Variants in PEAK1 observed in about 807,000 individuals in gnomAD.
PEAK1 encodes the protein inactive tyrosine-protein kinase PEAK1.
Under a neutral mutation model 124.7 loss-of-function variants are expected in PEAK1, and 54 were observed. The ratio of observed to expected loss-of-function variants is 0.43; its 90% confidence interval spans 0.35 to 0.54. The LOEUF is 0.54. Ranked by LOEUF, PEAK1 falls within the 20% of genes least tolerant of loss-of-function variation. The probability of loss-of-function intolerance (pLI) is 0.01; values close to 1 mark genes in which losing one functional copy is unlikely to be tolerated. For missense variants in PEAK1, 2,046 were observed against 2,134.5 expected, an observed-to-expected ratio of 0.96 and a Z score of 0.82; for synonymous variants, 719 against 760.0, an observed-to-expected ratio of 0.95 and a Z score of 0.89.
At chr15:77,150,109 G>A (rs945024071) in intron 8 of PEAK1, among the ~76,000 whole-genome samples, 3 of 152,102 alleles carry the variant, frequency 2.0e-5, no homozygotes, top group African/African-American at 4.8e-5. Flanking sequence ...TTCTGATAGG[G>A]CATCTATAAT....
At chr15:77,293,918 C>G (rs555882575) in intron 2 of PEAK1, among the ~76,000 whole-genome samples, 1 of 152,300 alleles carries the variant, frequency 6.6e-6, no homozygotes, top group South Asian at 2.1e-4. Flanking sequence ...AGGATTAGTA[C>G]AGAGGCTGAA....
intron 6 of PEAK1, among the ~76,000 whole-genome samples, chr15:77,233,935 AG>A (rs1445365248): frequency 6.6e-6 from 1 of 152,120 alleles, no homozygotes; most frequent in Non-Finnish European, 1.5e-5. Flanking sequence ...GCATGATCAT[AG>A]CTCCCTTCTG....
intron 1 of PEAK1, among the ~76,000 whole-genome samples, chr15:77,392,460 C>G (rs1269115608): frequency 6.6e-6 from 1 of 152,026 alleles, no homozygotes; most frequent in African/African-American, 2.4e-5. Flanking sequence ...GTATTAAGAC[C>G]AATGCAATTC....
At chr15:77,332,843 G>A (rs1597333932) in intron 2 of PEAK1, among the ~76,000 whole-genome samples, 1 of 151,202 alleles carries the variant, frequency 6.6e-6, no homozygotes, top group African/African-American at 2.4e-5. Flanking sequence ...ATTTTAAAAG[G>A]CACTTCATTT....
intron 9 of PEAK1, among the ~76,000 whole-genome samples, chr15:77,129,315 G>C (rs1233947166): frequency 6.6e-6 from 1 of 152,322 alleles, no homozygotes; most frequent in East Asian, 1.9e-4. Flanking sequence ...ATAGAATATG[G>C]TGTGTTGTTA....
chr15:77,271,855 C>T (rs1475818218), intron 5 of PEAK1, among the ~76,000 whole-genome samples: 1 of 152,006 alleles, frequency 6.6e-6, no homozygotes, highest in Non-Finnish European at 1.5e-5. Context: ...GGGTGCAGCA[C>T]ACCAACACGG....
chr15:77,226,066 TATATA>T (rs1437798583), intron 6 of PEAK1, among the ~76,000 whole-genome samples: 1 of 135,364 alleles, frequency 7.4e-6, no homozygotes, highest in African/African-American at 2.7e-5. Flanking sequence ...TATATATATA[TATATA>T]TATATATATA....
At chr15:77,209,218 G>A (rs954004823) in intron 6 of PEAK1, among the ~76,000 whole-genome samples, 1 of 152,154 alleles carries the variant, frequency 6.6e-6, no homozygotes, top group African/African-American at 2.4e-5. Flanking sequence ...TGACATATAA[G>A]AGAGGATATA....
chr15:77,176,116 A>AG (rs1439447150), intron 7 of PEAK1, among the ~76,000 whole-genome samples: 13 of 149,436 alleles, frequency 8.7e-5, no homozygotes, highest in African/African-American at 2.9e-4. Context: ...GTGGGGGGAG[A>AG]GGGGAGGGAT....
chr15:77,310,313 C>T (rs1257192638), intron 2 of PEAK1, among the ~76,000 whole-genome samples: 1 of 152,182 alleles, frequency 6.6e-6, no homozygotes, highest in Non-Finnish European at 1.5e-5. Context: ...TTTTACAAGT[C>T]TCTTATGTTC....
In PEAK1 at chr15:77,373,708, T is replaced by C. The variant is rs16968807; in HGVS notation, c.-665-8483A>G. Among the ~76,000 whole-genome samples, 729 of 152,316 alleles carry C rather than the reference T, an allele frequency of 4.8e-3. 4 individuals are homozygous for C. The highest frequency in any genetic ancestry group is 0.016 in the African/African-American group (675 of 41,572). On this transcript the variant is annotated intron_variant, in intron 1 of 9. Coordinates refer to ENST00000682557, the MANE Select transcript of PEAK1 (RefSeq NM_001385026.1). ...AGCCATCTTAACTGGTTGGTCCCTA[T>C]TTTGTACTTACTGGTAAATACTTTA... is the stretch of plus-strand genomic sequence containing the variant.
At chr15:77,331,153 G>T in intron 2 of PEAK1, 1 of 468,990 alleles carries the variant, frequency 2.1e-6, no homozygotes, top group Non-Finnish European at 2.8e-6. Flanking sequence ...ATTTTGAGAC[G>T]AAGTCTTGCT....
chr15:77,198,607 T>G (rs2058219104), intron 6 of PEAK1, among the ~76,000 whole-genome samples: 1 of 152,208 alleles, frequency 6.6e-6, no homozygotes, highest in Non-Finnish European at 1.5e-5. Context: ...TTGCATTTTT[T>G]GAGAAATACC....
intron 1 of PEAK1, among the ~76,000 whole-genome samples, chr15:77,371,947 G>A (rs1174597428): frequency 6.6e-6 from 1 of 152,170 alleles, no homozygotes; most frequent in African/African-American, 2.4e-5. Flanking sequence ...TGTATTTCAC[G>A]TAATTCCTAG....
intron 1 of PEAK1, among the ~76,000 whole-genome samples, chr15:77,388,562 C>T (rs1178187657): frequency 1.3e-5 from 2 of 152,160 alleles, no homozygotes; most frequent in Non-Finnish European, 2.9e-5. Context: ...CTCCAGAATG[C>T]TTACCTGAAT....
In PEAK1 at chr15:77,196,723, T is replaced by C. The variant is rs376213648; in HGVS notation, c.-114-14683A>G. 3.4e-4 allele frequency among the ~76,000 whole-genome samples: 52 copies of C among 152,322 alleles called. No homozygotes were observed. In the East Asian group the frequency reaches 7.5e-3, roughly 22 times the overall value. On this transcript the variant is annotated intron_variant, in intron 6 of 9. Coordinates refer to ENST00000682557, the MANE Select transcript of PEAK1 (RefSeq NM_001385026.1). The stretch of plus-strand genomic sequence containing the variant: ...TAATCAACTTGGAAGGAAACATCAC[T>C]GAATAACAGCCTAAATATGATTACT...
intron 6 of PEAK1, chr15:77,205,000 A>G (rs1396222847): frequency 5.1e-6 from 1 of 195,516 alleles, no homozygotes; most frequent in African/African-American, 2.4e-5. Context: ...GTGGCTAATC[A>G]AGAAATTAAA....
intron 6 of PEAK1, among the ~76,000 whole-genome samples, chr15:77,213,562 G>A (rs958435362): frequency 6.6e-6 from 1 of 152,028 alleles, no homozygotes; most frequent in Non-Finnish European, 1.5e-5. Flanking sequence ...GGTAGCAGTT[G>A]CCTGTAATTC....
intron 2 of PEAK1, among the ~76,000 whole-genome samples, chr15:77,308,884 G>A (rs2064260682): frequency 6.6e-6 from 1 of 151,898 alleles, no homozygotes; most frequent in Admixed American, 6.6e-5. Flanking sequence ...GCTCAAAGCT[G>A]GGTCAATAAC....
Sources: gnomAD v4.1 joint callset for allele counts (sites outside exome capture counted in the v4.1 genomes callset) on GRCh38, gnomAD v4.1.1 for gene constraint, MANE v1.5 for transcripts, NCBI Gene and HGNC (gene_info 2026-07-23, HGNC 2026-07-21) for gene names.